QTMAN: variants seen among roughly 807,000 people sequenced by gnomAD.
QTMAN encodes the protein queuosine-tRNA mannosyltransferase, also known as tRNA-queuosine alpha-mannosyltransferase.
At chr2:144,117,064 A>T in the QTMAN span, among the ~76,000 whole-genome samples, 1 of 152,192 alleles carries the variant, frequency 6.6e-6, no homozygotes, top group Non-Finnish European at 1.5e-5. Flanking sequence ...TATTTAAAAG[A>T]AGTTCTCCTA....
At chr2:144,292,133 A>G in the QTMAN span, among the ~76,000 whole-genome samples, 1 of 152,200 alleles carries the variant, frequency 6.6e-6, no homozygotes, top group Admixed American at 6.5e-5. Flanking sequence ...ATCAGAGGAC[A>G]CATTAAAGAT....
the QTMAN span, among the ~76,000 whole-genome samples, chr2:144,105,800 T>C: frequency 6.6e-6 from 1 of 152,082 alleles, no homozygotes; most frequent in Admixed American, 6.6e-5. Context: ...GACACATAAT[T>C]GTCAGATTCA....
At chr2:144,188,611 G>A in the QTMAN span, among the ~76,000 whole-genome samples, 1 of 152,000 alleles carries the variant, frequency 6.6e-6, no homozygotes, top group Non-Finnish European at 1.5e-5. Context: ...GTAAGGCATG[G>A]ATAGGGATTG....
chr2:143,957,318 T>C, the QTMAN span: 1 of 1,586,456 alleles, frequency 6.3e-7, no homozygotes, highest in Non-Finnish European at 8.5e-7. Context: ...TCCCAATGCC[T>C]TTTTGGCCTC....
chr2:144,016,227 A>G, the QTMAN span, among the ~76,000 whole-genome samples: 1 of 152,204 alleles, frequency 6.6e-6, no homozygotes, highest in Non-Finnish European at 1.5e-5. Flanking sequence ...TTAACCCCCC[A>G]AATTGTAAAT....
chr2:144,069,834 G>C, the QTMAN span, among the ~76,000 whole-genome samples: 2 of 151,736 alleles, frequency 1.3e-5, no homozygotes, highest in Admixed American at 1.3e-4. Flanking sequence ...CTTATTTTTT[G>C]CAGCTGCATT....
chr2:144,275,250 G>A, the QTMAN span, among the ~76,000 whole-genome samples: 1 of 151,958 alleles, frequency 6.6e-6, no homozygotes, highest in Non-Finnish European at 1.5e-5. Context: ...CAGGCGTGGT[G>A]GCAGGTGCCT....
chr2:144,258,221 C>CA, the QTMAN span, among the ~76,000 whole-genome samples: 853 of 104,796 alleles, frequency 8.1e-3, 3 homozygotes, highest in Middle Eastern at 0.035. Flanking sequence ...AACATTCTTG[C>CA]AAAAAAAAAA....
At chr2:144,190,408 G>A in the QTMAN span, among the ~76,000 whole-genome samples, 1 of 152,170 alleles carries the variant, frequency 6.6e-6, no homozygotes, top group Non-Finnish European at 1.5e-5. Context: ...AAAGGACCAG[G>A]TAGTCATGCT....
chr2:144,288,148 C>T, the QTMAN span, among the ~76,000 whole-genome samples: 6 of 152,078 alleles, frequency 3.9e-5, no homozygotes, highest in African/African-American at 7.2e-5. Context: ...GGATTACAGG[C>T]GTGAGCCACC....
chr2:144,229,674 T>G, the QTMAN span, among the ~76,000 whole-genome samples: 1 of 152,142 alleles, frequency 6.6e-6, no homozygotes. Flanking sequence ...TAGAAACATA[T>G]TAAGTTAGGC....
the QTMAN span, among the ~76,000 whole-genome samples, chr2:144,153,308 T>C: frequency 1.3e-5 from 2 of 152,138 alleles, no homozygotes; most frequent in African/African-American, 4.8e-5. Context: ...AAAAAGATGG[T>C]TGTAAAGTGA....
the QTMAN span, among the ~76,000 whole-genome samples, chr2:144,052,430 A>G: frequency 6.6e-6 from 1 of 152,244 alleles, no homozygotes; most frequent in East Asian, 1.9e-4. Flanking sequence ...AATAGTAGTT[A>G]GCATAAATTA....
At chr2:144,190,019 G>T in the QTMAN span, among the ~76,000 whole-genome samples, 2 of 152,062 alleles carry the variant, frequency 1.3e-5, no homozygotes, top group African/African-American at 4.8e-5. Flanking sequence ...TAACATTAAG[G>T]AATTACTTGG....
the QTMAN span, among the ~76,000 whole-genome samples, chr2:144,133,458 T>TATATATTATATATTATATAATATATAAA: frequency 5.5e-5 from 4 of 72,598 alleles, no homozygotes; most frequent in Non-Finnish European, 9.5e-5. Context: ...TAATATATAA[T>TATATATTATATATTATATAATATATAAA]ATATATTATA....
the QTMAN span, among the ~76,000 whole-genome samples, chr2:144,305,295 G>C: frequency 6.6e-6 from 1 of 152,034 alleles, no homozygotes; most frequent in Non-Finnish European, 1.5e-5. Context: ...ACATGAAAGG[G>C]GTCCAACTTT....
chr2:144,040,578 G>A, the QTMAN span, among the ~76,000 whole-genome samples: 2 of 152,116 alleles, frequency 1.3e-5, no homozygotes, highest in Non-Finnish European at 2.9e-5. Flanking sequence ...TCATGGCCAT[G>A]AAGATAAGAG....
chr2:144,028,021 A>C, the QTMAN span, among the ~76,000 whole-genome samples: 1 of 152,232 alleles, frequency 6.6e-6, no homozygotes, highest in African/African-American at 2.4e-5. Flanking sequence ...TTTTAAAAAC[A>C]GAATTCTGTT....
chr2:144,076,963 AT>A, the QTMAN span, among the ~76,000 whole-genome samples: 10 of 152,064 alleles, frequency 6.6e-5, no homozygotes, highest in Admixed American at 6.6e-4. Flanking sequence ...TTAAAAAAAA[AT>A]AATAAACTAC....
Sources: gnomAD v4.1 joint callset for allele counts (sites outside exome capture counted in the v4.1 genomes callset) on GRCh38, gnomAD v4.1.1 for gene constraint, MANE v1.5 for transcripts, NCBI Gene and HGNC (gene_info 2026-07-23, HGNC 2026-07-21) for gene names.